UNC13C: variants seen among roughly 807,000 people sequenced by gnomAD.
The protein encoded by UNC13C is protein unc-13 homolog C.
UNC13C carries 174 observed loss-of-function variants against 245.4 expected under a neutral mutation model. The observed-to-expected ratio is 0.71, with a 90% CI of 0.63 to 0.80. The LOEUF is 0.80. UNC13C is among the 30% of genes least tolerant of loss of function. The pLI is 0.00. For synonymous variants in UNC13C, 992 were observed against 895.1 expected (o/e 1.11, Z -1.93); for missense variants, 2,829 against 2,602.9 (o/e 1.09, Z -1.89).
At chr15:54,535,052 A>T (rs1208446110) in intron 26 of UNC13C, among the ~76,000 whole-genome samples, 3 of 152,202 alleles carry the variant, frequency 2.0e-5, no homozygotes, top group Non-Finnish European at 2.9e-5. Context: ...AAAATCGCAC[A>T]TATCAATATC....
In UNC13C at chr15:54,448,457, C is replaced by T. The variant is rs185675442; in HGVS notation, c.4933+33390C>T. Among the ~76,000 whole-genome samples, 767 of 152,258 alleles carry T rather than the reference C, an allele frequency of 5.0e-3. 5 individuals are homozygous for T. Among genetic ancestry groups the T allele is most frequent in the African/African-American group, 0.017 (717 of 41,542 alleles). ...GACTTCCTTTATGAATCTGGGTGCT[C>T]CTGTATTGGGTGCATATATATTTAG... is the stretch of plus-strand genomic sequence containing the variant. On this transcript the variant is annotated intron_variant, in intron 19 of 32. Transcript: ENST00000260323.
intron 19 of UNC13C, among the ~76,000 whole-genome samples, chr15:54,479,563 G>T (rs530534494): frequency 6.6e-6 from 1 of 151,968 alleles, no homozygotes; most frequent in Non-Finnish European, 1.5e-5. Flanking sequence ...AAAACAGTTT[G>T]CATTCCAGGT....
chr15:53,927,865 A>G, the UNC13C span, among the ~76,000 whole-genome samples: 3 of 152,224 alleles, frequency 2.0e-5, no homozygotes, highest in East Asian at 3.8e-4. Context: ...GCCAGCTACC[A>G]TCATGTCTCT....
chr15:54,494,799 G>T, intron 20 of UNC13C, 65 bp downstream of exon 20: 1 of 1,551,970 alleles, frequency 6.4e-7, no homozygotes, highest in South Asian at 1.2e-5. Flanking sequence ...AATTACACCT[G>T]AATTGTGTAC....
At chr15:54,277,043 T>A (rs1175011052) in intron 10 of UNC13C, among the ~76,000 whole-genome samples, 1 of 152,176 alleles carries the variant, frequency 6.6e-6, no homozygotes, top group Non-Finnish European at 1.5e-5. Context: ...ATTGCTTCAC[T>A]CTTATTTCTC....
intron 14 of UNC13C, among the ~76,000 whole-genome samples, chr15:54,325,035 C>T (rs11638760): frequency 0.05 from 7,542 of 152,030 alleles, 279 homozygotes; most frequent in Admixed American, 0.1. Context: ...GACAATTCTT[C>T]TTTTTCTATT....
intron 2 of UNC13C, among the ~76,000 whole-genome samples, chr15:54,069,589 T>A (rs1281127408): frequency 6.6e-6 from 1 of 152,222 alleles, no homozygotes; most frequent in Non-Finnish European, 1.5e-5. Context: ...TGTTGTTTTT[T>A]ATTTTATTTC....
chr15:54,516,342 C>T (rs1369374994), intron 24 of UNC13C, among the ~76,000 whole-genome samples: 2 of 152,168 alleles, frequency 1.3e-5, no homozygotes, highest in African/African-American at 4.8e-5. Flanking sequence ...TCAGAACTAC[C>T]TGATGAGTTT....
intron 10 of UNC13C, among the ~76,000 whole-genome samples, chr15:54,281,862 A>G (rs1296935560): frequency 6.6e-6 from 1 of 151,932 alleles, no homozygotes; most frequent in Non-Finnish European, 1.5e-5. Flanking sequence ...TCTCATTTTT[A>G]TTTTTTTTCT....
chr15:54,145,018 C>T (rs1186809826), intron 4 of UNC13C, among the ~76,000 whole-genome samples: 2 of 151,810 alleles, frequency 1.3e-5, no homozygotes, highest in Non-Finnish European at 2.9e-5. Context: ...TCTTGATCTC[C>T]TGAGCTCAGG....
At chr15:54,199,038 G>A (rs1378469106) in intron 4 of UNC13C, among the ~76,000 whole-genome samples, 3 of 151,810 alleles carry the variant, frequency 2.0e-5, no homozygotes, top group Admixed American at 1.3e-4. Context: ...TCAGAGGAAT[G>A]CAAAATACAC....
chr15:54,586,251 C>T (rs1361638924), intron 30 of UNC13C, among the ~76,000 whole-genome samples: 3 of 152,186 alleles, frequency 2.0e-5, no homozygotes, highest in Non-Finnish European at 4.4e-5. Context: ...ACATGGAGAA[C>T]ATATTAGTCA....
chr15:54,455,816 G>T (rs1348117181), intron 19 of UNC13C, among the ~76,000 whole-genome samples: 1 of 151,892 alleles, frequency 6.6e-6, no homozygotes, highest in Non-Finnish European at 1.5e-5. Context: ...CCATTCTGTG[G>T]GATGTCTGTT....
intron 4 of UNC13C, among the ~76,000 whole-genome samples, chr15:54,228,015 A>G (rs1056134877): frequency 6.6e-6 from 1 of 152,122 alleles, no homozygotes; most frequent in African/African-American, 2.4e-5. Context: ...AACTTTAGGA[A>G]TCTACCTGGT....
intron 14 of UNC13C, 53 bp downstream of exon 14, chr15:54,322,148 T>C (rs963912974): frequency 1.4e-6 from 2 of 1,459,390 alleles, no homozygotes; most frequent in African/African-American, 2.9e-5. Flanking sequence ...GGGAGTTACA[T>C]TTCAAGAGAC....
chr15:54,598,059 G>A (rs762270266), intron 30 of UNC13C, among the ~76,000 whole-genome samples: 14 of 152,156 alleles, frequency 9.2e-5, no homozygotes, highest in South Asian at 2.1e-4. Context: ...CAGGCATATT[G>A]TAGAAGACTC....
At chr15:53,932,264 T>G in the UNC13C span, among the ~76,000 whole-genome samples, 1 of 151,550 alleles carries the variant, frequency 6.6e-6, no homozygotes, top group Non-Finnish European at 1.5e-5. Flanking sequence ...AGCCGAGATT[T>G]CACCACAGCA....
intron 2 of UNC13C, among the ~76,000 whole-genome samples, chr15:54,071,154 C>G (rs1898308073): frequency 6.6e-6 from 1 of 151,972 alleles, no homozygotes; most frequent in Non-Finnish European, 1.5e-5. Flanking sequence ...GGCATAGCCA[C>G]CAATTCAGAT....
chr15:54,371,270 G>C (rs2039481146), intron 17 of UNC13C, among the ~76,000 whole-genome samples: 1 of 152,038 alleles, frequency 6.6e-6, no homozygotes, highest in Admixed American at 6.6e-5. Context: ...ATATATGAGT[G>C]AAATCATGTG....
Sources: gnomAD v4.1 joint callset for allele counts (sites outside exome capture counted in the v4.1 genomes callset) on GRCh38, gnomAD v4.1.1 for gene constraint, MANE v1.5 for transcripts, NCBI Gene and HGNC (gene_info 2026-07-23, HGNC 2026-07-21) for gene names.